PBX1: variants seen among roughly 807,000 people sequenced by gnomAD.
The protein encoded by PBX1 is pre-B-cell leukemia transcription factor 1.
Under a neutral mutation model 53.4 loss-of-function variants are expected in PBX1, and 6 were observed. That is an observed-to-expected ratio of 0.11 (90% CI 0.06 to 0.22). The LOEUF (loss-of-function observed/expected upper bound fraction) is 0.22. PBX1 is among the 10% of genes least tolerant of loss of function. The pLI, the probability that PBX1 is intolerant of heterozygous loss-of-function variation, is 1.00. For synonymous variants in PBX1, 204 were observed against 212.3 expected, an observed-to-expected ratio of 0.96 and a Z score of 0.34; for missense variants, 251 against 551.4, an observed-to-expected ratio of 0.46 and a Z score of 5.46.
intron 2 of PBX1, among the ~76,000 whole-genome samples, chr1:164,598,911 G>A (rs566123532): frequency 6.6e-6 from 1 of 152,200 alleles, no homozygotes; most frequent in Non-Finnish European, 1.5e-5. Flanking sequence ...GAAAACAGAG[G>A]CTCAGTTGCC....
chr1:164,673,674 A>G (rs898005663), intron 2 of PBX1, among the ~76,000 whole-genome samples: 4 of 150,828 alleles, frequency 2.7e-5, no homozygotes, highest in Admixed American at 2.6e-4. Flanking sequence ...AAGAAACTTA[A>G]CTCCTAGGAA....
At chr1:164,647,965 C>A (rs866318215) in intron 2 of PBX1, among the ~76,000 whole-genome samples, 8 of 152,112 alleles carry the variant, frequency 5.3e-5, no homozygotes, top group Admixed American at 6.5e-5. Context: ...CGGGCGCCCA[C>A]CACTACGCCC....
chr1:164,776,983 GT>G (rs1667703597), intron 2 of PBX1, among the ~76,000 whole-genome samples: 4 of 129,872 alleles, frequency 3.1e-5, no homozygotes, highest in Admixed American at 7.8e-5. Context: ...GAGAGAGGAG[GT>G]GTGGGGGGGC....
chr1:164,694,357 C>T (rs1401885792), intron 2 of PBX1, among the ~76,000 whole-genome samples: 1 of 152,206 alleles, frequency 6.6e-6, no homozygotes, highest in African/African-American at 2.4e-5. Flanking sequence ...ACCTATGGCT[C>T]ACAAATATAT....
At chr1:164,806,691 A>G (rs980939982) in intron 4 of PBX1, among the ~76,000 whole-genome samples, 3 of 152,208 alleles carry the variant, frequency 2.0e-5, no homozygotes, top group African/African-American at 7.2e-5. Flanking sequence ...TCATCGGTAA[A>G]TACGAATAAT....
chr1:164,794,588 C>T (rs1018391155), intron 3 of PBX1, among the ~76,000 whole-genome samples: 1 of 152,186 alleles, frequency 6.6e-6, no homozygotes, highest in Non-Finnish European at 1.5e-5. Context: ...TTCCCCAGAT[C>T]CCAGGCAATG....
At chr1:164,717,629 C>G (rs1284595934) in intron 2 of PBX1, among the ~76,000 whole-genome samples, 1 of 152,184 alleles carries the variant, frequency 6.6e-6, no homozygotes, top group Non-Finnish European at 1.5e-5. Flanking sequence ...AGACACACCC[C>G]TGACACATCC....
At chr1:164,577,596 A>C (rs1654341564) in intron 2 of PBX1, among the ~76,000 whole-genome samples, 1 of 152,156 alleles carries the variant, frequency 6.6e-6, no homozygotes, top group South Asian at 2.1e-4. Context: ...TTGATGTGTG[A>C]TTATTATTCT....
At chr1:164,612,569 CATG>C (rs1444836920) in intron 2 of PBX1, among the ~76,000 whole-genome samples, 4 of 152,146 alleles carry the variant, frequency 2.6e-5, no homozygotes, top group Admixed American at 2.6e-4. Flanking sequence ...TCCCTCACCC[CATG>C]ATATCTGTAC....
chr1:164,823,554 G>A (rs1342918880), intron 8 of PBX1, among the ~76,000 whole-genome samples: 1 of 135,018 alleles, frequency 7.4e-6, no homozygotes, highest in Non-Finnish European at 1.5e-5. Flanking sequence ...GCTGTTATTT[G>A]GCGTCTTTCT....
chr1:164,587,028 A>G (rs1571275564), intron 2 of PBX1, among the ~76,000 whole-genome samples: 2 of 152,162 alleles, frequency 1.3e-5, no homozygotes, highest in African/African-American at 4.8e-5. Context: ...ATGCATAACG[A>G]GGTATACCAG....
chr1:164,828,267 T>C (rs1309743978), intron 8 of PBX1, among the ~76,000 whole-genome samples: 6 of 151,742 alleles, frequency 4.0e-5, no homozygotes, highest in Non-Finnish European at 7.4e-5. Context: ...TGTGTTTGTG[T>C]ATGCGTGTGT....
intron 2 of PBX1, among the ~76,000 whole-genome samples, chr1:164,787,055 A>G (rs1361493005): frequency 6.6e-6 from 1 of 152,156 alleles, no homozygotes; most frequent in Non-Finnish European, 1.5e-5. Context: ...AAAACTGCAT[A>G]GCTGACTTGG....
chr1:164,785,572 C>T (rs572116077), intron 2 of PBX1, among the ~76,000 whole-genome samples: 1 of 152,326 alleles, frequency 6.6e-6, no homozygotes, highest in Non-Finnish European at 1.5e-5. Flanking sequence ...CTGGCAATCT[C>T]ATGTACCCAC....
At chr1:164,583,523 A>C (rs1557873659) in intron 2 of PBX1, among the ~76,000 whole-genome samples, 1 of 152,040 alleles carries the variant, frequency 6.6e-6, no homozygotes, top group Non-Finnish European at 1.5e-5. Context: ...TCCATTTTTC[A>C]TGGGCAGCTG....
At chr1:164,628,428 C>A (rs1299791858) in intron 2 of PBX1, among the ~76,000 whole-genome samples, 1 of 152,156 alleles carries the variant, frequency 6.6e-6, no homozygotes, top group East Asian at 1.9e-4. Context: ...TTTAATCCAA[C>A]TGTGAAATAA....
chr1:164,570,506 G>C (rs1007649804), intron 2 of PBX1, among the ~76,000 whole-genome samples: 1 of 152,110 alleles, frequency 6.6e-6, no homozygotes, highest in Non-Finnish European at 1.5e-5. Context: ...ATGGTTTCCA[G>C]CTTCATCCAT....
intron 2 of PBX1, among the ~76,000 whole-genome samples, chr1:164,767,142 GT>G (rs775007324): frequency 2.6e-5 from 4 of 152,046 alleles, no homozygotes; most frequent in African/African-American, 7.2e-5. Context: ...TGCTTATTCT[GT>G]TTTAATTATG....
chr1:164,667,312 G>T (rs1211379246), intron 2 of PBX1, among the ~76,000 whole-genome samples: 2 of 151,796 alleles, frequency 1.3e-5, no homozygotes, highest in East Asian at 3.9e-4. Context: ...GACTTGCCTT[G>T]TAGAAGTTTA....
Sources: allele counts gnomAD v4.1 joint callset (sites outside exome capture counted in the v4.1 genomes callset), GRCh38; gene constraint gnomAD v4.1.1; transcripts MANE v1.5; gene names NCBI Gene and HGNC (gene_info 2026-07-23, HGNC 2026-07-21).